The following ELOVL6 variants were observed in gnomAD, a reference collection of about 807,000 sequenced individuals.
ELOVL6 encodes the protein very long chain fatty acid elongase 6.
ELOVL6 carries 8 observed loss-of-function variants against 31.7 expected under a neutral mutation model. The observed-to-expected ratio is 0.25, with a 90% CI of 0.15 to 0.45. The LOEUF is 0.45. Among genes scored for constraint, ELOVL6 ranks in the 20% least tolerant of loss-of-function variants. The pLI is 1.00. For synonymous variants in ELOVL6, 101 were observed against 117.7 expected (o/e 0.86, Z 0.92); for missense variants, 126 against 326.4 (o/e 0.39, Z 4.73).
At chr4:110,072,719 G>C (rs1202716969) in intron 2 of ELOVL6, among the ~76,000 whole-genome samples, 1 of 152,142 alleles carries the variant, frequency 6.6e-6, no homozygotes, top group Non-Finnish European at 1.5e-5. Flanking sequence ...CAGTTCAGCA[G>C]CTCTTGAAGT....
At chr4:110,109,638 T>G (rs1578486761) in intron 1 of ELOVL6, among the ~76,000 whole-genome samples, 1 of 152,226 alleles carries the variant, frequency 6.6e-6, no homozygotes, top group South Asian at 2.1e-4. Context: ...GCTTTACCCA[T>G]TAACATTTCT....
intron 3 of ELOVL6, among the ~76,000 whole-genome samples, chr4:110,057,344 G>T (rs557740101): frequency 4.0e-4 from 61 of 151,948 alleles, no homozygotes; most frequent in African/African-American, 1.4e-3. Flanking sequence ...AAAAATTGAG[G>T]GGGAAGTAGT....
intron 1 of ELOVL6, among the ~76,000 whole-genome samples, chr4:110,189,558 C>T (rs1409155848): frequency 4.9e-5 from 6 of 122,204 alleles, no homozygotes; most frequent in Admixed American, 1.1e-4. Context: ...CATGCCACTG[C>T]ACTCAGACTG....
At chr4:110,061,822 C>T (rs532747409) in intron 2 of ELOVL6, among the ~76,000 whole-genome samples, 27 of 152,228 alleles carry the variant, frequency 1.8e-4, no homozygotes, top group South Asian at 6.2e-4. Context: ...TCCCAAAGTG[C>T]TGGGGTATAG....
At chr4:110,150,622 ATAAT>A (rs1175397012) in intron 1 of ELOVL6, among the ~76,000 whole-genome samples, 1 of 152,234 alleles carries the variant, frequency 6.6e-6, no homozygotes, top group African/African-American at 2.4e-5. Flanking sequence ...TAAGAGCAGA[ATAAT>A]TAAAACATTA....
chr4:110,186,839 A>G (rs1422887516), intron 1 of ELOVL6, among the ~76,000 whole-genome samples: 3 of 141,540 alleles, frequency 2.1e-5, no homozygotes, highest in Non-Finnish European at 3.1e-5. Context: ...ATATATATAT[A>G]TATATTTATA....
chr4:110,150,567 A>G (rs1758249740), intron 1 of ELOVL6, among the ~76,000 whole-genome samples: 1 of 152,206 alleles, frequency 6.6e-6, no homozygotes, highest in Non-Finnish European at 1.5e-5. Flanking sequence ...AATATTGTCA[A>G]AAATACTCCA....
intron 1 of ELOVL6, 74 bp from the exon 2 acceptor site, chr4:110,105,702 T>A: frequency 7.2e-7 from 1 of 1,395,410 alleles, no homozygotes; most frequent in South Asian, 1.3e-5. Context: ...CCAGTTCTCC[T>A]CTTTGTAAGC....
intron 2 of ELOVL6, 189 bp from the exon 3 acceptor site, chr4:110,059,943 T>C: frequency 1.9e-6 from 1 of 529,506 alleles, no homozygotes. Flanking sequence ...AGGGCTTTAT[T>C]CTGAAACCAT....
rs1333120124 is a variant in ELOVL6, at chr4:110,047,557, G to A, written c.*3781C>T. 6.6e-6 allele frequency: 1 copy of A among 152,140 alleles called. No homozygotes were observed. 9.4% of individuals were successfully genotyped at this position (152,140 alleles called of 1,614,324 possible). On this transcript the variant is annotated 3_prime_UTR_variant, in exon 4 of 4. Transcript: ENST00000302274. ...TCCAGGAGCTTTGTTACTCTGATGT[G>A]ACAGGCTTTACCTTATGAAGATGCT...
intron 1 of ELOVL6, among the ~76,000 whole-genome samples, chr4:110,167,780 C>T (rs1758823171): frequency 6.6e-6 from 1 of 152,118 alleles, no homozygotes; most frequent in Admixed American, 6.5e-5. Flanking sequence ...AAGCCATCCT[C>T]CCACCCTGGC....
At chr4:110,089,480 T>A (rs916450820) in intron 2 of ELOVL6, among the ~76,000 whole-genome samples, 4 of 152,114 alleles carry the variant, frequency 2.6e-5, no homozygotes, top group African/African-American at 9.7e-5. Context: ...CAATCCCCTA[T>A]GTATACTGAG....
chr4:110,139,961 ATGGCTGTGTCAC>A (rs1488124331), intron 1 of ELOVL6, among the ~76,000 whole-genome samples: 1 of 152,174 alleles, frequency 6.6e-6, no homozygotes, highest in Non-Finnish European at 1.5e-5. Context: ...TCAGGGACGG[ATGGCTGTGTCAC>A]TGGTCTGTTT....
intron 1 of ELOVL6, among the ~76,000 whole-genome samples, chr4:110,150,546 A>C (rs2126265089): frequency 6.6e-6 from 1 of 152,328 alleles, no homozygotes; most frequent in East Asian, 1.9e-4. Flanking sequence ...CAATTAGGGA[A>C]TGTTAAGCAA....
chr4:110,142,247 G>A (rs115895396), intron 1 of ELOVL6, among the ~76,000 whole-genome samples: 1,674 of 151,346 alleles, frequency 0.011, 28 homozygotes, highest in African/African-American at 0.038. Context: ...ATGTTTTACC[G>A]TGTTAGCAAG....
chr4:110,198,519 TGCCTGC>T lies in ELOVL6; in HGVS notation c.-190_-185del. On this transcript the variant is annotated 5_prime_UTR_variant, in exon 1 of 4. Coordinates refer to ENST00000302274, the MANE Select transcript of ELOVL6 (RefSeq NM_024090.3). Reference sequence around the variant, plus strand: ...CTCAGCTACATCCAGGGCTGAGCATTGCCTGCGCCTCCGCTCCCAGCTCCTCTCTCT... The same window carrying T: ...CTCAGCTACATCCAGGGCTGAGCATTGCCTCCGCTCCCAGCTCCTCTCTCT... 1.8e-6 allele frequency: 1 copy of T among 546,176 alleles called. No homozygotes were observed. Among genetic ancestry groups the T allele is most frequent in the South Asian group, 2.4e-5 (1 of 41,726 alleles). 33.8% of individuals were successfully genotyped at this position (546,176 alleles called of 1,614,324 possible).
chr4:110,116,010 C>G (rs1348945571), intron 1 of ELOVL6, among the ~76,000 whole-genome samples: 1 of 152,240 alleles, frequency 6.6e-6, no homozygotes, highest in African/African-American at 2.4e-5. Context: ...TGACTCTGAT[C>G]CCCCCAACTC....
At chr4:110,121,997 G>A (rs984655311) in intron 1 of ELOVL6, among the ~76,000 whole-genome samples, 2 of 152,042 alleles carry the variant, frequency 1.3e-5, no homozygotes, top group Admixed American at 6.6e-5. Context: ...ACTGGCAGCC[G>A]TATACCCTTG....
chr4:110,097,241 G>T (rs2126242495), intron 2 of ELOVL6, among the ~76,000 whole-genome samples: 1 of 146,666 alleles, frequency 6.8e-6, no homozygotes, highest in South Asian at 2.2e-4. Flanking sequence ...GGAGGTGGAG[G>T]TTGCAGTGAG....
Sources: allele counts gnomAD v4.1 joint callset (sites outside exome capture counted in the v4.1 genomes callset), GRCh38; gene constraint gnomAD v4.1.1; transcripts MANE v1.5; gene names NCBI Gene and HGNC (gene_info 2026-07-23, HGNC 2026-07-21).